The following UPP1 variants were observed in gnomAD, a reference collection of about 807,000 sequenced individuals.
UPP1 encodes the protein uridine phosphorylase 1.
In UPP1, 25 loss-of-function variants were observed where a neutral mutation model predicts 29.6. The observed-to-expected ratio is 0.85, with a 90% CI of 0.62 to 1.18. UPP1 has a LOEUF of 1.18. UPP1 is among the 50% of genes most tolerant of loss of function. The probability of loss-of-function intolerance (pLI) is 0.00; values close to 1 mark genes in which losing one functional copy is unlikely to be tolerated. For missense variants in UPP1, 368 were observed against 410.4 expected, an observed-to-expected ratio of 0.90 and a Z score of 0.89; for synonymous variants, 165 against 159.8, an observed-to-expected ratio of 1.03 and a Z score of -0.25.
chr7:48,089,766 G>C (rs538347958), intron 1 of UPP1: 1 of 152,478 alleles, frequency 6.6e-6, no homozygotes, highest in African/African-American at 2.4e-5. Flanking sequence ...GGCGCAGCGA[G>C]GGTGAAGCCA....
intron 8 of UPP1, among the ~76,000 whole-genome samples, 173 bp from the exon 9 acceptor site, chr7:48,108,045 C>A (rs904272441): frequency 6.6e-6 from 1 of 152,188 alleles, no homozygotes; most frequent in Non-Finnish European, 1.5e-5. Flanking sequence ...GCCCCTGGAC[C>A]AGCGCCTTTC....
chr7:48,108,270 C>T lies in UPP1; in HGVS notation c.846C>T (p.Ser282=). The T allele has an allele frequency of 6.2e-7, 1 of 1,614,048 alleles. No homozygotes were observed. Among genetic ancestry groups the T allele is most frequent in the Non-Finnish European group, 8.5e-7 (1 of 1,180,034 alleles). Residue 282 remains serine (S), a synonymous_variant, in exon 9 of 9, where the codon AGC becomes AGT. Transcript: ENST00000395564. The part of the protein sequence containing the change: ...LLNRLEGDQI[S]SPRNVLSEYQ... The stretch of plus-strand genomic sequence containing the variant: ...ACCGCCTGGAAGGGGACCAGATCAG[C>T]AGCCCTCGCAATGTGCTCAGCGAGT...
In UPP1 at chr7:48,100,920, T is replaced by A. The variant is rs557961977; in HGVS notation, c.163-904T>A. Among the ~76,000 whole-genome samples the A allele has an allele frequency of 2.1e-4, 32 of 152,062 alleles. No homozygotes were observed. The South Asian group carries it at 2.3e-3, about 11-fold the overall frequency. ...TCTTTTATCTTCAGACTTTTTTTTT[T>A]AAATTTTTTGACCTGGAGTCTCACT... On this transcript the variant is annotated intron_variant, in intron 4 of 8. Coordinates refer to ENST00000395564, the MANE Select transcript of UPP1 (RefSeq NM_003364.4).
chr7:48,100,141 C>G (rs887488600), intron 4 of UPP1, among the ~76,000 whole-genome samples: 1 of 152,176 alleles, frequency 6.6e-6, no homozygotes, highest in African/African-American at 2.4e-5. Flanking sequence ...CTACTACTTG[C>G]CTGGGCCATA....
intron 6 of UPP1, chr7:48,103,935 G>A (rs1334034865): frequency 3.2e-5 from 41 of 1,266,380 alleles, no homozygotes; most frequent in Non-Finnish European, 4.1e-5. Context: ...AACAAAGATG[G>A]TTGGCCGGGC....
At chr7:48,099,821 C>T (rs374879439) in intron 4 of UPP1, 34 bp downstream of exon 4, 8 of 1,459,006 alleles carry the variant, frequency 5.5e-6, no homozygotes, top group Non-Finnish European at 7.7e-6. Flanking sequence ...TTGGAATTTG[C>T]CTTAAGATCA....
rs1792817309 is a variant in UPP1, at chr7:48,107,396, A to G, written c.682A>G (p.Thr228Ala). 3 of 1,614,070 alleles carry G rather than the reference A, an allele frequency of 1.9e-6. No individual in the cohort carries two copies. Among genetic ancestry groups the G allele is most frequent in the Middle Eastern group, 1.6e-4 (1 of 6,062 alleles). The change falls in exon 8 of 9, where the codon ACG becomes GCG. Residue 228 changes from threonine (T) to alanine (A), a missense_variant. Thr to Ala is a moderately conservative substitution (Grantham distance 58). Coordinates refer to ENST00000395564, the MANE Select transcript of UPP1 (RefSeq NM_003364.4). Reference sequence around the variant, plus strand: ...TCTGGATGGGGCTCTCTGCTCCTACACGGAGAAGGACAAGCAGGCGTATCT... The same window carrying G: ...TCTGGATGGGGCTCTCTGCTCCTACGCGGAGAAGGACAAGCAGGCGTATCT... ...GRLDGALCSY[T>A]EKDKQAYLEA...
rs779239116 is a variant in UPP1, at chr7:48,101,931, G to A, written c.270G>A (p.Ala90=). The change falls in exon 5 of 9, where the codon GCG becomes GCA. Residue 90 remains alanine, a synonymous_variant. Transcript: ENST00000395564. ...GTAGAGACTATCCCAACATCTGTGC[G>A]GGAACTGACCGCTATGCCATGTATA... ...CPGRDYPNIC[A]GTDRYAMYKV... 8.7e-6 allele frequency: 14 copies of A among 1,614,012 alleles called. No individual in the cohort carries two copies. The highest frequency in any genetic ancestry group is 1.6e-4 in the Middle Eastern group (1 of 6,062).
At chr7:48,092,723 GAC>G (rs2128808394) in intron 2 of UPP1, among the ~76,000 whole-genome samples, 1 of 146,810 alleles carries the variant, frequency 6.8e-6, no homozygotes, top group African/African-American at 2.5e-5. Flanking sequence ...TTTTTTTTGA[GAC>G]AGAGTCTTGC....
chr7:48,093,710 G>T (rs539472732), intron 2 of UPP1, among the ~76,000 whole-genome samples: 1 of 152,314 alleles, frequency 6.6e-6, no homozygotes, highest in African/African-American at 2.4e-5. Context: ...ATGGGACTTT[G>T]CAGTGGAGAC....
At position 48,108,331 on chromosome 7, in the gene UPP1, A is replaced by T. The variant is rs1792887346; in HGVS notation, c.907A>T (p.Ile303Phe). ...QRPQRLVSYFIKKKLSKA is the reference protein window; with the variant it reads ...QRPQRLVSYFFKKKLSKA ...GCCGCAGCGGCTGGTGAGCTACTTC[A>T]TCAAGAAGAAACTGAGCAAGGCCTG... is the stretch of plus-strand genomic sequence containing the variant. Residue 303 changes from isoleucine to phenylalanine, a missense_variant, in exon 9 of 9, where the codon ATC (isoleucine) becomes TTC (phenylalanine). Physicochemically the swap from Ile to Phe is conservative, Grantham distance 21 (BLOSUM62 0). Coordinates refer to ENST00000395564, the MANE Select transcript of UPP1 (RefSeq NM_003364.4). 1 of 1,614,024 alleles carries T rather than the reference A, an allele frequency of 6.2e-7. No individual in the cohort carries two copies. The highest frequency in any genetic ancestry group is 8.5e-7 in the Non-Finnish European group (1 of 1,179,928).
At chr7:48,107,619 T>A in intron 8 of UPP1, 112 bp downstream of exon 8, 1 of 1,332,284 alleles carries the variant, frequency 7.5e-7, no homozygotes, top group East Asian at 2.4e-5. Flanking sequence ...ATTTCTGGTT[T>A]CTGTTTCCGC....
intron 3 of UPP1, among the ~76,000 whole-genome samples, chr7:48,098,552 G>T (rs907961838): frequency 1.3e-5 from 2 of 152,158 alleles, no homozygotes; most frequent in African/African-American, 2.4e-5. Flanking sequence ...AACAAGCATC[G>T]TGTGGGGAGA....
chr7:48,091,234 T>G (rs1480211296), intron 2 of UPP1, among the ~76,000 whole-genome samples: 2 of 151,554 alleles, frequency 1.3e-5, no homozygotes, highest in East Asian at 3.9e-4. Context: ...AACTTACCAA[T>G]CTGATTTGAG....
At chr7:48,108,158 G>T (rs111255805) in intron 8 of UPP1, 60 bp from the exon 9 acceptor site, 3 of 1,575,802 alleles carry the variant, frequency 1.9e-6, no homozygotes, top group Non-Finnish European at 2.6e-6. Context: ...TCTTCATCCC[G>T]TCCCTGTGAA....
At chr7:48,106,400 T>A (rs1414153919) in intron 6 of UPP1, 1 of 167,866 alleles carries the variant, frequency 6.0e-6, no homozygotes, top group Non-Finnish European at 1.3e-5. Flanking sequence ...AACCTCTGCC[T>A]CCTGGGTTCA....
chr7:48,094,360 C>T (rs1313750440), intron 2 of UPP1, among the ~76,000 whole-genome samples: 1 of 152,090 alleles, frequency 6.6e-6, no homozygotes. Context: ...GGATTACAGG[C>T]GCCTGCCACC....
chr7:48,096,155 A>G (rs1422380908), intron 3 of UPP1, among the ~76,000 whole-genome samples: 1 of 152,182 alleles, frequency 6.6e-6, no homozygotes, highest in East Asian at 1.9e-4. Flanking sequence ...CCAAGTGCCA[A>G]GCAACTCAGT....
rs745306290 is a variant in UPP1 at position 48,103,323 on chromosome 7, A to T, written c.348A>T (p.Ser116=). 1.2e-6 allele frequency: 2 copies of T among 1,613,566 alleles called. No individual in the cohort carries two copies. Among genetic ancestry groups the T allele is most frequent in the Middle Eastern group, 1.7e-4 (1 of 6,058 alleles). ...ATGGTATGGGCATTCCTTCTATCTC[A>T]ATCATGTTGCATGAGCTCATAAAGC... ...VSHGMGIPSI[S]IMLHELIKLL... The change falls in exon 6 of 9, where the codon TCA becomes TCT. Residue 116 remains serine, a synonymous_variant. Transcript: ENST00000395564.
Sources: allele counts gnomAD v4.1 joint callset (sites outside exome capture counted in the v4.1 genomes callset), GRCh38; gene constraint gnomAD v4.1.1; transcripts MANE v1.5; gene names NCBI Gene and HGNC (gene_info 2026-07-23, HGNC 2026-07-21).